AOAH: variants seen among roughly 807,000 people sequenced by gnomAD.
AOAH encodes the protein acyloxyacyl hydrolase.
Under a neutral mutation model 92.2 loss-of-function variants are expected in AOAH, and 64 were observed. The ratio of observed to expected loss-of-function variants is 0.69; its 90% CI spans 0.57 to 0.86. AOAH has a LOEUF of 0.86. AOAH is among the 40% of genes least tolerant of loss of function. The pLI, the probability that AOAH is intolerant of heterozygous loss-of-function variation, is 0.00. For missense variants in AOAH, 656 were observed against 694.6 expected (o/e 0.94, Z 0.62); for synonymous variants, 263 against 254.5 (o/e 1.03, Z -0.32).
chr7:36,562,338 G>A (rs1273149588), intron 13 of AOAH, among the ~76,000 whole-genome samples: 1 of 152,160 alleles, frequency 6.6e-6, no homozygotes, highest in Non-Finnish European at 1.5e-5. Flanking sequence ...AGCAAGAAAA[G>A]ATAGATAGCT....
chr7:36,537,485 G>A (rs1785143487), intron 16 of AOAH, among the ~76,000 whole-genome samples: 1 of 148,554 alleles, frequency 6.7e-6, no homozygotes, highest in Non-Finnish European at 1.5e-5. Flanking sequence ...CTACTCACTA[G>A]ATGCTAGTTG....
At chr7:36,660,407 C>T (rs529641662) in intron 3 of AOAH, among the ~76,000 whole-genome samples, 2 of 152,328 alleles carry the variant, frequency 1.3e-5, no homozygotes, top group East Asian at 1.9e-4. Context: ...CCTCCGCCCC[C>T]TGGGTTCAAG....
intron 12 of AOAH, among the ~76,000 whole-genome samples, chr7:36,591,900 G>C (rs1257480441): frequency 6.6e-6 from 1 of 152,208 alleles, no homozygotes; most frequent in Non-Finnish European, 1.5e-5. Flanking sequence ...GTTTTTATCT[G>C]TTTGCTGGGC....
intron 3 of AOAH, among the ~76,000 whole-genome samples, chr7:36,670,320 A>G (rs2116626146): frequency 6.6e-6 from 1 of 152,326 alleles, no homozygotes; most frequent in South Asian, 2.1e-4. Flanking sequence ...GAACATGCCC[A>G]ATGAGGAAAC....
At chr7:36,703,744 A>G (rs1309056340) in intron 1 of AOAH, among the ~76,000 whole-genome samples, 1 of 152,204 alleles carries the variant, frequency 6.6e-6, no homozygotes, top group African/African-American at 2.4e-5. Flanking sequence ...CAAGTCTGCT[A>G]TTGTGAACAG....
intron 1 of AOAH, among the ~76,000 whole-genome samples, chr7:36,715,672 A>G (rs1415984972): frequency 1.4e-5 from 2 of 144,220 alleles, no homozygotes; most frequent in African/African-American, 5.2e-5. Flanking sequence ...ATAATGCCAC[A>G]TATCTACAAC....
intron 20 of AOAH, among the ~76,000 whole-genome samples, chr7:36,515,282 T>C (rs1421405366): frequency 8.5e-4 from 36 of 42,218 alleles, no homozygotes; most frequent in Admixed American, 2.4e-3. Flanking sequence ...ACCCCCACAC[T>C]ACACACACAC....
chr7:36,581,656 T>C (rs377599402), intron 12 of AOAH, among the ~76,000 whole-genome samples: 23 of 152,336 alleles, frequency 1.5e-4, no homozygotes, highest in Middle Eastern at 3.4e-3. Flanking sequence ...GGAATTTATA[T>C]ACCAAAATAT....
intron 20 of AOAH, among the ~76,000 whole-genome samples, chr7:36,517,175 T>TC (rs1491580696): frequency 1.7e-4 from 9 of 52,056 alleles, no homozygotes; most frequent in South Asian, 8.8e-4. Context: ...TCTTTCTTTC[T>TC]TTCTTTCTTT....
At chr7:36,604,666 G>T (rs1790864967) in intron 11 of AOAH, among the ~76,000 whole-genome samples, 1 of 152,142 alleles carries the variant, frequency 6.6e-6, no homozygotes, top group South Asian at 2.1e-4. Context: ...CAGGATTACG[G>T]GCAGCTACCT....
At chr7:36,579,953 T>C (rs1044017561) in intron 12 of AOAH, among the ~76,000 whole-genome samples, 2 of 152,226 alleles carry the variant, frequency 1.3e-5, no homozygotes, top group African/African-American at 2.4e-5. Context: ...AAGGAATTGA[T>C]TGATTTTGGC....
At chr7:36,548,799 A>AC (rs5883561) in intron 14 of AOAH, 113 bp from the exon 15 acceptor site, 403,094 of 794,880 alleles carry the variant, frequency 0.51, 105,404 homozygotes, top group Admixed American at 0.57. Flanking sequence ...CCTCTTGGCA[A>AC]CTTTTTGCTA....
At chr7:36,546,312 G>A (rs1426031899) in intron 15 of AOAH, among the ~76,000 whole-genome samples, 1 of 152,232 alleles carries the variant, frequency 6.6e-6, no homozygotes, top group Non-Finnish European at 1.5e-5. Flanking sequence ...CTTGCTGCTT[G>A]AGCTTTTTAT....
At chr7:36,573,669 G>T (rs1025786986) in intron 13 of AOAH, among the ~76,000 whole-genome samples, 1 of 152,142 alleles carries the variant, frequency 6.6e-6, no homozygotes, top group African/African-American at 2.4e-5. Flanking sequence ...AGTGAGCTGA[G>T]ATCGCACCAC....
At chr7:36,587,197 AG>A (rs1372053533) in intron 12 of AOAH, among the ~76,000 whole-genome samples, 1 of 148,798 alleles carries the variant, frequency 6.7e-6, no homozygotes, top group Non-Finnish European at 1.5e-5. Flanking sequence ...GCTTGAACCC[AG>A]GAGGCAGAGG....
At chr7:36,660,420 A>G (rs1795150196) in intron 3 of AOAH, among the ~76,000 whole-genome samples, 1 of 152,120 alleles carries the variant, frequency 6.6e-6, no homozygotes, top group African/African-American at 2.4e-5. Context: ...GGTTCAAGTG[A>G]TTCTTCTGCC....
intron 19 of AOAH, among the ~76,000 whole-genome samples, chr7:36,529,575 C>T (rs889187308): frequency 2.5e-5 from 3 of 119,028 alleles, no homozygotes; most frequent in Non-Finnish European, 6.3e-5. Context: ...CCAGATGCTG[C>T]GGATGGGGGC....
At chr7:36,529,066 A>T (rs1287673493) in intron 19 of AOAH, among the ~76,000 whole-genome samples, 1 of 152,184 alleles carries the variant, frequency 6.6e-6, no homozygotes, top group Non-Finnish European at 1.5e-5. Flanking sequence ...ACCAGGCATA[A>T]CATTTAGGAG....
chr7:36,517,222 T>TTCTTTCTTTCTTTCTTTCTCTTTCTC (rs1562854041), intron 20 of AOAH, among the ~76,000 whole-genome samples: 6 of 67,346 alleles, frequency 8.9e-5, no homozygotes, highest in African/African-American at 2.4e-4. Flanking sequence ...TTCTCTTTCT[T>TTCTTTCTTTCTTTCTTTCTCTTTCTC]TCTGTCTCTC....
Sources: allele counts gnomAD v4.1 joint callset (sites outside exome capture counted in the v4.1 genomes callset), GRCh38; gene constraint gnomAD v4.1.1; transcripts MANE v1.5; gene names NCBI Gene and HGNC (gene_info 2026-07-23, HGNC 2026-07-21).